NUBPL: variants seen among roughly 807,000 people sequenced by gnomAD.
NUBPL encodes iron-sulfur cluster transfer protein NUBPL.
A neutral mutation model predicts 45.7 loss-of-function variants in NUBPL; 31 were observed. The ratio of observed to expected loss-of-function variants is 0.68; its 90% confidence interval spans 0.51 to 0.92. NUBPL has a LOEUF of 0.92. Among genes scored for constraint, NUBPL ranks in the 40% least tolerant of loss-of-function variants. The pLI, the probability that NUBPL is intolerant of heterozygous loss-of-function variation, is 0.00. For missense variants in NUBPL, 401 were observed against 398.7 expected (o/e 1.01, Z -0.05); for synonymous variants, 144 against 140.9 (o/e 1.02, Z -0.15).
chr14:31,748,843 C>A (rs1467739539), intron 6 of NUBPL, among the ~76,000 whole-genome samples: 1 of 152,086 alleles, frequency 6.6e-6, no homozygotes, highest in Non-Finnish European at 1.5e-5. Context: ...GAACTCTTGA[C>A]CTCAGGTGAT....
intron 6 of NUBPL, among the ~76,000 whole-genome samples, chr14:31,704,095 C>G (rs2037395503): frequency 6.6e-6 from 1 of 152,190 alleles, no homozygotes; most frequent in Non-Finnish European, 1.5e-5. Flanking sequence ...GAAGATCAGT[C>G]TTCTGTAACT....
At chr14:31,642,259 G>A (rs2035724313) in intron 4 of NUBPL, among the ~76,000 whole-genome samples, 1 of 152,122 alleles carries the variant, frequency 6.6e-6, no homozygotes, top group Admixed American at 6.6e-5. Context: ...TCTTTGCCCA[G>A]ACTAACGTTC....
intron 6 of NUBPL, among the ~76,000 whole-genome samples, chr14:31,739,251 TA>T (rs1288143725): frequency 1.2e-4 from 12 of 99,996 alleles, no homozygotes; most frequent in East Asian, 7.6e-4. Context: ...TATATATATA[TA>T]TTTTTTTTTT....
chr14:31,744,115 A>G (rs1566536794), intron 6 of NUBPL, among the ~76,000 whole-genome samples: 1 of 152,206 alleles, frequency 6.6e-6, no homozygotes, highest in East Asian at 1.9e-4. Context: ...CAAGAGAGAT[A>G]ATAGGAATGA....
chr14:31,673,713 G>C, intron 6 of NUBPL, 139 bp downstream of exon 6: 1 of 758,604 alleles, frequency 1.3e-6, no homozygotes, highest in Non-Finnish European at 2.3e-6. Context: ...GGCACCTAAT[G>C]AGTTAATGTG....
chr14:31,846,816 C>T (rs760877631), intron 9 of NUBPL, among the ~76,000 whole-genome samples: 1 of 151,940 alleles, frequency 6.6e-6, no homozygotes, highest in Non-Finnish European at 1.5e-5. Context: ...ATTATCCAGG[C>T]GTGGTGGCGG....
At chr14:31,641,531 A>G (rs1267408282) in intron 4 of NUBPL, among the ~76,000 whole-genome samples, 2 of 152,124 alleles carry the variant, frequency 1.3e-5, no homozygotes, top group South Asian at 2.1e-4. Flanking sequence ...ATGGCTGATT[A>G]ATATTCCATT....
intron 8 of NUBPL, among the ~76,000 whole-genome samples, chr14:31,833,511 C>T (rs2040225897): frequency 6.6e-6 from 1 of 152,074 alleles, no homozygotes; most frequent in Admixed American, 6.6e-5. Context: ...TAAAATTCTG[C>T]ATTATTTGAA....
chr14:31,829,641 G>A (rs1375357756), intron 8 of NUBPL, among the ~76,000 whole-genome samples: 1 of 152,052 alleles, frequency 6.6e-6, no homozygotes, highest in Admixed American at 6.6e-5. Context: ...TCTTCCCCTT[G>A]GTTTTTAGTC....
At chr14:31,678,539 T>G (rs2036753852) in intron 6 of NUBPL, among the ~76,000 whole-genome samples, 3 of 152,170 alleles carry the variant, frequency 2.0e-5, no homozygotes, top group Non-Finnish European at 4.4e-5. Flanking sequence ...ATCCTTCTCT[T>G]CAAGGTATCG....
chr14:31,634,558 T>C (rs1175618589), intron 4 of NUBPL, among the ~76,000 whole-genome samples: 1 of 152,144 alleles, frequency 6.6e-6, no homozygotes, highest in African/African-American at 2.4e-5. Flanking sequence ...TACGTGTTCA[T>C]GTGTCTTTAT....
At chr14:31,754,563 T>A (rs2038606801) in intron 6 of NUBPL, among the ~76,000 whole-genome samples, 1 of 150,724 alleles carries the variant, frequency 6.6e-6, no homozygotes, top group African/African-American at 2.4e-5. Context: ...GATTGTGGGT[T>A]TTAAATTGAT....
chr14:31,630,864 T>A (rs1462489906), intron 4 of NUBPL, among the ~76,000 whole-genome samples: 2 of 152,212 alleles, frequency 1.3e-5, no homozygotes, highest in African/African-American at 2.4e-5. Context: ...CTCCAGTGAT[T>A]CTTTCCCCAC....
At chr14:31,705,490 T>C (rs1266801383) in intron 6 of NUBPL, among the ~76,000 whole-genome samples, 2 of 152,178 alleles carry the variant, frequency 1.3e-5, no homozygotes, top group African/African-American at 4.8e-5. Context: ...TTTGACAGAG[T>C]GCTGATTGGT....
At chr14:31,817,703 A>G (rs1381179625) in intron 7 of NUBPL, among the ~76,000 whole-genome samples, 1 of 152,226 alleles carries the variant, frequency 6.6e-6, no homozygotes, top group Non-Finnish European at 1.5e-5. Context: ...CCACTGCAAA[A>G]ACATACCAAG....
At chr14:31,843,988 G>A in intron 8 of NUBPL, 1 of 152,168 alleles carries the variant, frequency 6.6e-6, no homozygotes, top group East Asian at 1.9e-4. Flanking sequence ...CTTGTGTTTA[G>A]CCCAGTTACT....
chr14:31,647,395 G>A (rs943839651), intron 4 of NUBPL, among the ~76,000 whole-genome samples: 5 of 152,032 alleles, frequency 3.3e-5, no homozygotes, highest in African/African-American at 1.2e-4. Context: ...TTCTTGTTAG[G>A]TTGCTGCCCC....
intron 4 of NUBPL, among the ~76,000 whole-genome samples, chr14:31,631,498 C>A (rs2035342912): frequency 6.6e-6 from 1 of 151,816 alleles, no homozygotes; most frequent in Non-Finnish European, 1.5e-5. Flanking sequence ...ACCCCACCCC[C>A]CACACACAAA....
At chr14:31,606,099 C>CTTTTTTTTTTT (rs56899102) in intron 4 of NUBPL, among the ~76,000 whole-genome samples, 7 of 120,522 alleles carry the variant, frequency 5.8e-5, no homozygotes, top group Non-Finnish European at 1.0e-4. Flanking sequence ...CTTTTCTTTT[C>CTTTTTTTTTTT]TTTTTTTTTT....
Sources: gnomAD v4.1 joint callset for allele counts (sites outside exome capture counted in the v4.1 genomes callset) on GRCh38, gnomAD v4.1.1 for gene constraint, MANE v1.5 for transcripts, NCBI Gene and HGNC (gene_info 2026-07-23, HGNC 2026-07-21) for gene names.